ADK: variants seen among roughly 807,000 people sequenced by gnomAD.
ADK encodes the protein N6,N6-dimethyladenosine kinase.
Under a neutral mutation model 44.7 loss-of-function variants are expected in ADK, and 24 were observed. The ratio of observed to expected loss-of-function variants is 0.54; its 90% CI spans 0.39 to 0.76. ADK has a LOEUF of 0.76. ADK is among the 30% of genes least tolerant of loss of function. ADK has a pLI of 0.00. For missense variants in ADK, 321 were observed against 425.1 expected, an observed-to-expected ratio of 0.76 and a Z score of 2.15; for synonymous variants, 128 against 142.6, an observed-to-expected ratio of 0.90 and a Z score of 0.73.
chr10:74,330,614 A>AT (rs1004389536), intron 4 of ADK, among the ~76,000 whole-genome samples: 1 of 152,060 alleles, frequency 6.6e-6, no homozygotes, highest in Non-Finnish European at 1.5e-5. Flanking sequence ...CTTCCATATT[A>AT]TTTTTTCTTG....
intron 3 of ADK, among the ~76,000 whole-genome samples, chr10:74,250,793 T>A (rs1053912240): frequency 6.6e-6 from 1 of 152,150 alleles, no homozygotes; most frequent in African/African-American, 2.4e-5. Flanking sequence ...TTTGCTTCAT[T>A]TTTTTGAGAC....
chr10:74,527,539 C>T (rs1402834650), intron 7 of ADK: 6 of 686,150 alleles, frequency 8.7e-6, no homozygotes, highest in Admixed American at 2.1e-5. Flanking sequence ...TAGCAGAGCA[C>T]GCAGAAAACT....
chr10:74,231,872 A>G (rs1053673782), intron 3 of ADK, among the ~76,000 whole-genome samples: 6 of 152,228 alleles, frequency 3.9e-5, no homozygotes, highest in African/African-American at 7.2e-5. Flanking sequence ...GTTCATTGTA[A>G]TAAGAGTTAC....
chr10:74,301,812 A>G (rs552762211), intron 3 of ADK, among the ~76,000 whole-genome samples: 2 of 152,184 alleles, frequency 1.3e-5, no homozygotes, highest in Non-Finnish European at 2.9e-5. Context: ...GAAACCAGTT[A>G]TGCATTGGGT....
chr10:74,274,751 C>CATTATATATATATATATATATAT (rs1846602071), intron 3 of ADK, among the ~76,000 whole-genome samples: 14 of 105,618 alleles, frequency 1.3e-4, no homozygotes, highest in Admixed American at 5.3e-4. Context: ...TATATATACA[C>CATTATATATATATATATATATAT]ACACACATTA....
intron 7 of ADK, among the ~76,000 whole-genome samples, chr10:74,533,438 C>T (rs1161667221): frequency 6.6e-6 from 1 of 152,074 alleles, no homozygotes; most frequent in Non-Finnish European, 1.5e-5. Context: ...TAATGATAGA[C>T]AAATAGTCAA....
At chr10:74,323,134 A>C (rs1453154557) in intron 4 of ADK, among the ~76,000 whole-genome samples, 2 of 152,248 alleles carry the variant, frequency 1.3e-5, no homozygotes, top group Admixed American at 6.5e-5. Context: ...TACTACAAGC[A>C]GTGGGACCTA....
chr10:74,449,449 C>T (rs1252001709), intron 6 of ADK, among the ~76,000 whole-genome samples: 1 of 151,828 alleles, frequency 6.6e-6, no homozygotes, highest in South Asian at 2.1e-4. Context: ...AAGTTGTCAC[C>T]TCAAAAAAAC....
At chr10:74,706,153 A>C (rs890843729) in intron 10 of ADK, among the ~76,000 whole-genome samples, 7 of 152,180 alleles carry the variant, frequency 4.6e-5, no homozygotes, top group African/African-American at 1.7e-4. Flanking sequence ...GAGCATCTCT[A>C]CAAAAAAATG....
intron 3 of ADK, among the ~76,000 whole-genome samples, chr10:74,256,973 T>C (rs935059929): frequency 6.6e-6 from 1 of 152,146 alleles, no homozygotes; most frequent in Non-Finnish European, 1.5e-5. Flanking sequence ...TCTCATAATA[T>C]GTGTAAACCA....
At chr10:74,398,796 A>G (rs533359515) in intron 6 of ADK, among the ~76,000 whole-genome samples, 1 of 152,072 alleles carries the variant, frequency 6.6e-6, no homozygotes, top group Non-Finnish European at 1.5e-5. Flanking sequence ...AGGTCTACCT[A>G]TTTTTGGATA....
intron 10 of ADK, among the ~76,000 whole-genome samples, chr10:74,672,358 T>C (rs915958152): frequency 2.6e-5 from 4 of 152,220 alleles, no homozygotes; most frequent in African/African-American, 9.6e-5. Context: ...TACAAAAACA[T>C]ACCATAGGCC....
At chr10:74,558,449 T>A (rs1168286386) in intron 7 of ADK, among the ~76,000 whole-genome samples, 4 of 152,194 alleles carry the variant, frequency 2.6e-5, no homozygotes, top group Non-Finnish European at 4.4e-5. Context: ...GTTTTCCCCA[T>A]GCTGTTCTCA....
intron 7 of ADK, among the ~76,000 whole-genome samples, chr10:74,571,060 C>T (rs1221671807): frequency 6.6e-6 from 1 of 152,124 alleles, no homozygotes; most frequent in Non-Finnish European, 1.5e-5. Context: ...TGGTTTTTGT[C>T]TTTGGTTCTG....
chr10:74,414,605 G>T (rs1844303432), intron 6 of ADK, among the ~76,000 whole-genome samples: 1 of 151,962 alleles, frequency 6.6e-6, no homozygotes, highest in African/African-American at 2.4e-5. Flanking sequence ...GCGTGGTGGC[G>T]CATGCCTGTA....
At chr10:74,300,055 T>C (rs1248483293) in intron 3 of ADK, among the ~76,000 whole-genome samples, 1 of 150,934 alleles carries the variant, frequency 6.6e-6, no homozygotes, top group Non-Finnish European at 1.5e-5. Flanking sequence ...TCGTCTTCTT[T>C]TTTTTTTTTT....
intron 2 of ADK, among the ~76,000 whole-genome samples, chr10:74,205,457 C>T (rs963456168): frequency 6.6e-6 from 1 of 152,034 alleles, no homozygotes; most frequent in Admixed American, 6.6e-5. Context: ...GGATGGATCA[C>T]TTGAGGTCAG....
At chr10:74,250,002 T>A (rs1845586974) in intron 3 of ADK, among the ~76,000 whole-genome samples, 1 of 152,208 alleles carries the variant, frequency 6.6e-6, no homozygotes, top group South Asian at 2.1e-4. Context: ...TTTAGTAATA[T>A]GTGAAGTACA....
At chr10:74,590,135 TG>T (rs892513459) in intron 8 of ADK, among the ~76,000 whole-genome samples, 5 of 152,176 alleles carry the variant, frequency 3.3e-5, no homozygotes, top group African/African-American at 1.2e-4. Flanking sequence ...TTAACTAAGT[TG>T]GAGTTGTTTA....
Sources: gnomAD v4.1 joint callset for allele counts (sites outside exome capture counted in the v4.1 genomes callset) on GRCh38, gnomAD v4.1.1 for gene constraint, MANE v1.5 for transcripts, NCBI Gene and HGNC (gene_info 2026-07-23, HGNC 2026-07-21) for gene names.